The following FAM169A variants were observed in gnomAD, a reference collection of about 807,000 sequenced individuals.
FAM169A encodes soluble lamin-associated protein of 75 kDa.
A neutral mutation model predicts 75.7 loss-of-function variants in FAM169A; 24 were observed. The observed-to-expected ratio is 0.32, with a 90% CI of 0.23 to 0.45. FAM169A has a LOEUF of 0.45. Ranked by LOEUF, FAM169A falls within the 20% of genes least tolerant of loss-of-function variation. The pLI is 1.00. For missense variants in FAM169A, 673 were observed against 784.0 expected, an observed-to-expected ratio of 0.86 and a Z score of 1.69; for synonymous variants, 271 against 271.0, an observed-to-expected ratio of 1.00 and a Z score of 0.00.
intron 5 of FAM169A, among the ~76,000 whole-genome samples, chr5:74,824,120 T>C (rs1368746763): frequency 6.6e-6 from 1 of 152,072 alleles, no homozygotes; most frequent in Non-Finnish European, 1.5e-5. Context: ...AAACCAGAAA[T>C]ACACTTCCTG....
intron 6 of FAM169A, among the ~76,000 whole-genome samples, 170 bp from the exon 7 acceptor site, chr5:74,805,454 T>C (rs74750883): frequency 4.7e-5 from 6 of 126,596 alleles, no homozygotes; most frequent in African/African-American, 5.6e-5. Flanking sequence ...AAATAAAAAT[T>C]CTAAATAAAA....
rs1041693947 is a variant in FAM169A, at chr5:74,832,816, C to T, written c.490+1610G>A. ...AATTAAATGGCTACTGATTCAAAGG[C>T]TAGTATAAGCCCACTTAACTCCATT... On this transcript the variant is annotated intron_variant, in intron 5 of 12. Coordinates refer to ENST00000687041, the MANE Select transcript of FAM169A (RefSeq NM_001376049.1). 2.0e-5 allele frequency among the ~76,000 whole-genome samples: 3 copies of T among 151,828 alleles called. No homozygotes were observed. The South Asian group carries it at 6.2e-4, about 31-fold the overall frequency.
chr5:74,804,651 GT>G, intron 7 of FAM169A, 46 bp from the exon 8 acceptor site: 1 of 1,093,976 alleles, frequency 9.1e-7, no homozygotes, highest in Non-Finnish European at 1.4e-6. Flanking sequence ...TCAGTATTTG[GT>G]TTTAACTCTA....
At chr5:74,861,347 C>A (rs957989745) in intron 1 of FAM169A, among the ~76,000 whole-genome samples, 2 of 152,124 alleles carry the variant, frequency 1.3e-5, no homozygotes, top group Non-Finnish European at 2.9e-5. Flanking sequence ...TCCCAAATCT[C>A]TATTATCTGC....
At chr5:74,834,862 T>C (rs1384463540) in intron 4 of FAM169A, among the ~76,000 whole-genome samples, 3 of 152,244 alleles carry the variant, frequency 2.0e-5, no homozygotes, top group South Asian at 2.1e-4. Flanking sequence ...AGGTCCCCAA[T>C]GTACCAATCC....
At chr5:74,801,159 C>T in intron 9 of FAM169A, 129 bp from the exon 10 acceptor site, 1 of 596,382 alleles carries the variant, frequency 1.7e-6, no homozygotes, top group Non-Finnish European at 2.7e-6. Context: ...GTTCACCCTC[C>T]CCTCACTTAT....
chr5:74,804,549 C>T lies in FAM169A; in HGVS notation c.856G>A (p.Val286Ile), dbSNP rs907431799. ...TCAGTTCTTGCTTCGTATTCTGGAA[C>T]AGATGCAGGACCATATTCTCCAGAC... ...PMSGEYGPAS[V>I]PEYEARTEDN... Residue 286 changes from valine to isoleucine, a missense_variant, in exon 8 of 13, where the codon GTT becomes ATT. Physicochemically the swap from Val to Ile is conservative, Grantham distance 29. This residue lies in a region of FAM169A where 510 missense variants were observed against 550.9 expected (regional missense o/e 0.93). Coordinates refer to ENST00000687041, the MANE Select transcript of FAM169A (RefSeq NM_001376049.1). 6.2e-7 allele frequency: 1 copy of T among 1,612,256 alleles called. No homozygotes were observed. Among genetic ancestry groups the T allele is most frequent in the Non-Finnish European group, 8.5e-7 (1 of 1,178,906 alleles).
intron 10 of FAM169A, chr5:74,799,320 C>T: frequency 6.2e-7 from 1 of 1,603,220 alleles, no homozygotes; most frequent in Non-Finnish European, 8.5e-7. Context: ...CCCTAGAGAA[C>T]AAATTTGCTG....
At chr5:74,822,748 T>C (rs1181090715) in intron 5 of FAM169A, among the ~76,000 whole-genome samples, 1 of 152,206 alleles carries the variant, frequency 6.6e-6, no homozygotes, top group Non-Finnish European at 1.5e-5. Context: ...ATGTTATGTC[T>C]ACTTACATAT....
chr5:74,830,616 A>C (rs375183420), intron 5 of FAM169A, among the ~76,000 whole-genome samples: 4 of 152,320 alleles, frequency 2.6e-5, no homozygotes, highest in African/African-American at 9.6e-5. Context: ...ATTCAAAAAA[A>C]CTGCATATAT....
rs1204433717 is a variant in FAM169A at position 74,780,363 on chromosome 5, C to T, written c.*1097G>A. 1 of 152,106 alleles carries T rather than the reference C, an allele frequency of 6.6e-6. No individual in the cohort carries two copies. Among genetic ancestry groups the T allele is most frequent in the Admixed American group, 6.6e-5 (1 of 15,264 alleles). 9.4% of individuals were successfully genotyped at this position (152,106 alleles called of 1,614,324 possible). On this transcript the variant is annotated 3_prime_UTR_variant, in exon 13 of 13. Transcript: ENST00000687041. ...TTGTGGGGTGCACCTCCAAACCTAC[C>T]CAAAAATGGACATCAAGGGCATAAG...
chr5:74,859,084 C>T (rs949562683), intron 1 of FAM169A, among the ~76,000 whole-genome samples: 8 of 151,588 alleles, frequency 5.3e-5, no homozygotes, highest in Non-Finnish European at 1.2e-4. Context: ...CATGGTAGCA[C>T]ATGCCTGTAG....
Position 74,818,791 on chromosome 5 carries a change from CTCTCTCTCTCTCTATATA to C in FAM169A, c.491-4790_491-4773del, listed in dbSNP as rs1747611374. On this transcript the variant is annotated intron_variant, in intron 5 of 12. Transcript: ENST00000687041. Reference sequence around the variant, plus strand: ...CACAGCTCTCTCTCTCTCTCTCTCTCTCTCTCTCTCTCTATATATATATATATATATATGTCAAAGCAC... The same window carrying C: ...CACAGCTCTCTCTCTCTCTCTCTCTCTATATATATATATATGTCAAAGCAC... Among the ~76,000 whole-genome samples, 5 of 138,888 alleles carry C rather than the reference CTCTCTCTCTCTCTATATA, an allele frequency of 3.6e-5. No homozygotes were observed. In the South Asian group the frequency reaches 9.2e-4, roughly 26 times the overall value. The allele number at this position is 138,888 out of a possible 152,430, so 91.1% of individuals were successfully genotyped here.
At chr5:74,825,867 A>G (rs1351485270) in intron 5 of FAM169A, among the ~76,000 whole-genome samples, 1 of 152,154 alleles carries the variant, frequency 6.6e-6, no homozygotes, top group Non-Finnish European at 1.5e-5. Context: ...AAATTTCACA[A>G]TAATCTTGGT....
At chr5:74,843,302 A>T (rs954420019) in intron 1 of FAM169A, among the ~76,000 whole-genome samples, 1 of 152,206 alleles carries the variant, frequency 6.6e-6, no homozygotes, top group African/African-American at 2.4e-5. Context: ...TAATCTATTA[A>T]TTTAATGCAA....
At chr5:74,805,653 C>A (rs931342228) in intron 6 of FAM169A, among the ~76,000 whole-genome samples, 1 of 150,446 alleles carries the variant, frequency 6.6e-6, no homozygotes, top group Non-Finnish European at 1.5e-5. Context: ...GCCTCAGTCT[C>A]CTGAGTAGCT....
chr5:74,835,691 G>A (rs1203437425), intron 4 of FAM169A, among the ~76,000 whole-genome samples: 3 of 151,520 alleles, frequency 2.0e-5, no homozygotes, highest in Non-Finnish European at 4.4e-5. Flanking sequence ...TTAGTTCAGT[G>A]GATAGAGAAA....
chr5:74,812,354 T>C (rs1747241748), intron 6 of FAM169A, among the ~76,000 whole-genome samples: 1 of 152,102 alleles, frequency 6.6e-6, no homozygotes, highest in African/African-American at 2.4e-5. Context: ...CTCGAATTCC[T>C]GAGCTCAAGC....
rs371791199 is a variant in FAM169A at position 74,824,698 on chromosome 5, TAC to T, written c.490+9726_490+9727del. On this transcript the variant is annotated intron_variant, in intron 5 of 12. Coordinates refer to ENST00000687041, the MANE Select transcript of FAM169A (RefSeq NM_001376049.1). ...AGCAGCTCTGTGACCACTTTCCTGA[TAC>T]ACACACATACACACACACACACACA... Among the ~76,000 whole-genome samples the T allele has an allele frequency of 4.8e-5, 6 of 123,884 alleles. No homozygotes were observed. In the South Asian group the frequency reaches 1.1e-3, roughly 24 times the overall value. The allele number at this position is 123,884 out of a possible 152,430, so 81.3% of individuals were successfully genotyped here. A position where few individuals can be genotyped will look rare whatever the true frequency, so the allele number is the denominator to read the frequency against.
Sources: gnomAD v4.1 joint callset for allele counts (sites outside exome capture counted in the v4.1 genomes callset) on GRCh38, gnomAD v4.1.1 for gene constraint, gnomAD v4.1.1 regional missense constraint, MANE v1.5 for transcripts, NCBI Gene and HGNC (gene_info 2026-07-23, HGNC 2026-07-21) for gene names.